The following NEBL variants were observed in gnomAD, a reference collection of about 807,000 sequenced individuals.
NEBL encodes nebulette.
Under a neutral mutation model 140.2 loss-of-function variants are expected in NEBL, and 122 were observed. The ratio of observed to expected loss-of-function variants is 0.87; its 90% CI spans 0.75 to 1.01. The LOEUF is 1.01. Ranked by LOEUF, NEBL falls within the 50% of genes least tolerant of loss-of-function variation. The probability of loss-of-function intolerance (pLI) is 0.00; values close to 1 mark genes in which losing one functional copy is unlikely to be tolerated. For missense variants in NEBL, 1,365 were observed against 1,231.3 expected (o/e 1.11, Z -1.62); for synonymous variants, 436 against 398.9 (o/e 1.09, Z -1.11).
At chr10:21,056,240 A>C (rs926607113) in intron 2 of NEBL, among the ~76,000 whole-genome samples, 1 of 152,218 alleles carries the variant, frequency 6.6e-6, no homozygotes, top group African/African-American at 2.4e-5. Context: ...CCCTGATTGC[A>C]ATTTATGGGC....
At chr10:21,133,760 T>C (rs1839222779) in intron 2 of NEBL, among the ~76,000 whole-genome samples, 1 of 151,920 alleles carries the variant, frequency 6.6e-6, no homozygotes, top group Admixed American at 6.6e-5. Flanking sequence ...TAGGGTTTGG[T>C]TGGGTGATGT....
At chr10:21,085,281 G>C (rs1836571686) in intron 2 of NEBL, among the ~76,000 whole-genome samples, 1 of 152,146 alleles carries the variant, frequency 6.6e-6, no homozygotes, top group Non-Finnish European at 1.5e-5. Flanking sequence ...CATTGTTTTA[G>C]AGATGTGGAA....
At position 20,939,267 on chromosome 10, in the gene NEBL, G is replaced by A. The variant is rs547473045; in HGVS notation, c.357+22405C>T. On this transcript the variant is annotated intron_variant, in intron 4 of 6. Transcript: ENST00000417816. Reference sequence around the variant, plus strand: ...GAAACTCTACAAGCCAGAAGAGAGTGGGGGCCAATATTCAACATTCTTAAA... The same window carrying A: ...GAAACTCTACAAGCCAGAAGAGAGTAGGGGCCAATATTCAACATTCTTAAA... 7.6e-3 allele frequency among the ~76,000 whole-genome samples: 1,157 copies of A among 152,312 alleles called. 13 individuals are homozygous for A. The highest frequency in any genetic ancestry group is 0.026 in the African/African-American group (1,090 of 41,564).
intron 3 of NEBL, among the ~76,000 whole-genome samples, chr10:21,235,566 C>G (rs1404935901): frequency 6.6e-6 from 1 of 152,118 alleles, no homozygotes; most frequent in Non-Finnish European, 1.5e-5. Context: ...GCAGCCACCT[C>G]AGCCTCCCAA....
intron 4 of NEBL, among the ~76,000 whole-genome samples, chr10:20,885,891 T>C (rs1846473034): frequency 6.6e-6 from 1 of 152,218 alleles, no homozygotes; most frequent in Admixed American, 6.5e-5. Context: ...GTTGACATCA[T>C]ATATTTTAAG....
intron 2 of NEBL, among the ~76,000 whole-genome samples, chr10:21,139,906 T>A (rs1289437497): frequency 1.3e-5 from 2 of 151,278 alleles, no homozygotes; most frequent in African/African-American, 2.4e-5. Flanking sequence ...ATCCCAGCAC[T>A]TTGGGAGGCT....
intron 3 of NEBL, among the ~76,000 whole-genome samples, chr10:21,002,137 A>G: frequency 6.6e-6 from 1 of 151,892 alleles, no homozygotes; most frequent in East Asian, 1.9e-4. Flanking sequence ...CAAGAGGAAG[A>G]TATCCTTGAT....
intron 4 of NEBL, among the ~76,000 whole-genome samples, chr10:20,924,478 A>AAAAGCTC (rs1554807429): frequency 6.7e-6 from 1 of 148,800 alleles, no homozygotes; most frequent in Admixed American, 7.0e-5. Flanking sequence ...GTTCACCAAA[A>AAAAGCTC]TAAGCTCCTC....
At chr10:21,236,235 T>G (rs1032425057) in intron 3 of NEBL, among the ~76,000 whole-genome samples, 1 of 152,326 alleles carries the variant, frequency 6.6e-6, no homozygotes, top group Non-Finnish European at 1.5e-5. Flanking sequence ...TAGCTAGAAA[T>G]CTTTAAAAAG....
intron 4 of NEBL, among the ~76,000 whole-genome samples, chr10:20,953,579 T>C (rs181481900): frequency 7.5e-5 from 11 of 147,550 alleles, no homozygotes; most frequent in East Asian, 4.0e-4. Context: ...TATATTAAGA[T>C]AGGGGAAGTC....
intron 2 of NEBL, among the ~76,000 whole-genome samples, chr10:21,047,175 T>C (rs769501721): frequency 6.6e-6 from 1 of 152,218 alleles, no homozygotes; most frequent in Non-Finnish European, 1.5e-5. Flanking sequence ...ATCATCTATT[T>C]AGTCACTTTT....
At chr10:20,970,785 T>C (rs1836536146) in intron 3 of NEBL, among the ~76,000 whole-genome samples, 1 of 152,214 alleles carries the variant, frequency 6.6e-6, no homozygotes, top group African/African-American at 2.4e-5. Context: ...GCAGAAGTCA[T>C]GGAGCTGATG....
At chr10:21,163,200 AC>A (rs1413254322) in intron 2 of NEBL, among the ~76,000 whole-genome samples, 1 of 152,076 alleles carries the variant, frequency 6.6e-6, no homozygotes, top group South Asian at 2.1e-4. Context: ...TCTGCTAGAA[AC>A]CCAGTTTTTT....
At chr10:21,146,573 C>A (rs1452409669) in intron 2 of NEBL, 4 of 1,253,236 alleles carry the variant, frequency 3.2e-6, no homozygotes, top group Middle Eastern at 1.9e-4. Context: ...TACCTTGGAA[C>A]TTTCATCTTA....
chr10:20,990,567 T>C (rs559555565), intron 3 of NEBL, among the ~76,000 whole-genome samples: 10 of 152,310 alleles, frequency 6.6e-5, no homozygotes, highest in African/African-American at 2.2e-4. Flanking sequence ...TCCAAATCAC[T>C]GAGAAATAAA....
chr10:21,095,043 G>A (rs553399974), intron 2 of NEBL, among the ~76,000 whole-genome samples: 2 of 152,254 alleles, frequency 1.3e-5, no homozygotes, highest in African/African-American at 4.8e-5. Context: ...TATGATCTGG[G>A]AACCACCTGC....
rs565647468 is a variant in NEBL, at chr10:21,132,170, G to A, written c.164+40213C>T. On this transcript the variant is annotated intron_variant, in intron 2 of 6. Coordinates refer to the NEBL transcript ENST00000417816. ...TATTCTCCAAGAACCTCTGGTAACT[G>A]CTAACCTACTTTCTGTTTCTATGGA... Among the ~76,000 whole-genome samples, 6 of 152,144 alleles carry A rather than the reference G, an allele frequency of 3.9e-5. No individual in the cohort carries two copies. The East Asian group carries it at 5.8e-4, about 15-fold the overall frequency.
chr10:21,094,095 G>A (rs1393872232), intron 2 of NEBL, among the ~76,000 whole-genome samples: 1 of 152,172 alleles, frequency 6.6e-6, no homozygotes, highest in Non-Finnish European at 1.5e-5. Flanking sequence ...GGTAGCTCAC[G>A]CTTGTAATGC....
chr10:20,854,652 C>A (rs1313203490), intron 9 of NEBL, among the ~76,000 whole-genome samples: 2 of 146,410 alleles, frequency 1.4e-5, no homozygotes, highest in African/African-American at 5.2e-5. Flanking sequence ...GCAGCCTTGA[C>A]CTCCTGGGCT....
Sources: gnomAD v4.1 joint callset for allele counts (sites outside exome capture counted in the v4.1 genomes callset) on GRCh38, gnomAD v4.1.1 for gene constraint, MANE v1.5 for transcripts, NCBI Gene and HGNC (gene_info 2026-07-23, HGNC 2026-07-21) for gene names.